Variants in TSHZ2 observed in about 807,000 individuals in gnomAD.
TSHZ2 encodes teashirt zinc finger homeobox 2.
Under a neutral mutation model 74.4 loss-of-function variants are expected in TSHZ2, and 21 were observed. That is an observed-to-expected ratio of 0.28 (90% CI 0.20 to 0.41). The LOEUF is 0.41. Among genes scored for constraint, TSHZ2 ranks in the 10% least tolerant of loss-of-function variants. The pLI is 1.00. For missense variants in TSHZ2, 1,244 were observed against 1,293.5 expected (o/e 0.96, Z 0.59); for synonymous variants, 540 against 515.3 (o/e 1.05, Z -0.65).
chr20:53,138,250 G>A (rs1987296742), intron 1 of TSHZ2, among the ~76,000 whole-genome samples: 2 of 152,126 alleles, frequency 1.3e-5, no homozygotes, highest in Non-Finnish European at 2.9e-5. Context: ...TGGGCGTGGT[G>A]GTGGGCGCCT....
At chr20:53,339,098 G>C (rs989290416) in intron 2 of TSHZ2, among the ~76,000 whole-genome samples, 1 of 152,172 alleles carries the variant, frequency 6.6e-6, no homozygotes, top group Non-Finnish European at 1.5e-5. Context: ...TGTCACACCT[G>C]TAACAGTTAA....
At chr20:53,235,537 C>T (rs544561903) in intron 1 of TSHZ2, among the ~76,000 whole-genome samples, 1 of 152,220 alleles carries the variant, frequency 6.6e-6, no homozygotes, top group Admixed American at 6.5e-5. Context: ...CTTCTGCTAG[C>T]CCGAAATCCC....
intron 2 of TSHZ2, among the ~76,000 whole-genome samples, chr20:53,312,573 C>T (rs982852898): frequency 1.3e-5 from 2 of 152,192 alleles, no homozygotes; most frequent in Admixed American, 1.3e-4. Context: ...GCACCAGTCG[C>T]TCTATCTCTC....
At chr20:53,047,541 T>C (rs2123116046) in intron 1 of TSHZ2, among the ~76,000 whole-genome samples, 1 of 152,270 alleles carries the variant, frequency 6.6e-6, no homozygotes, top group South Asian at 2.1e-4. Flanking sequence ...GTCTAGTGCA[T>C]TGCCACAAAG....
intron 1 of TSHZ2, among the ~76,000 whole-genome samples, chr20:53,187,710 T>C (rs1373648335): frequency 6.7e-6 from 1 of 149,478 alleles, no homozygotes; most frequent in Admixed American, 6.7e-5. Context: ...TTTTTTAAGG[T>C]GAGAGGACAG....
chr20:53,182,427 G>T (rs560410464), intron 1 of TSHZ2, among the ~76,000 whole-genome samples: 1 of 152,286 alleles, frequency 6.6e-6, no homozygotes. Flanking sequence ...TGCAAAAGTG[G>T]ATTATCCAGT....
chr20:53,350,756 A>G (rs1443038207), intron 2 of TSHZ2, among the ~76,000 whole-genome samples: 1 of 152,206 alleles, frequency 6.6e-6, no homozygotes, highest in Non-Finnish European at 1.5e-5. Context: ...AAGATGAAAC[A>G]CTTTTTGTCT....
chr20:53,270,979 G>A (rs1034421143), intron 2 of TSHZ2, among the ~76,000 whole-genome samples: 1 of 152,044 alleles, frequency 6.6e-6, no homozygotes, highest in Non-Finnish European at 1.5e-5. Context: ...AGACTCTCCC[G>A]TGAGCAGTAA....
intron 2 of TSHZ2, among the ~76,000 whole-genome samples, chr20:53,292,447 A>AT (rs149635565): frequency 0.22 from 30,487 of 140,966 alleles, 3,666 homozygotes; most frequent in East Asian, 0.28. Context: ...CAAACCACCT[A>AT]TTTTTTTTTT....
intron 2 of TSHZ2, among the ~76,000 whole-genome samples, chr20:53,291,586 T>C (rs1167879380): frequency 6.6e-6 from 1 of 152,052 alleles, no homozygotes; most frequent in Admixed American, 6.6e-5. Context: ...TCAAATGTTA[T>C]TATATAGTTC....
At chr20:53,075,295 A>G (rs1985333079) in intron 1 of TSHZ2, among the ~76,000 whole-genome samples, 1 of 152,224 alleles carries the variant, frequency 6.6e-6, no homozygotes, top group Admixed American at 6.5e-5. Flanking sequence ...GCTCTGTGCA[A>G]AGGATCTTTC....
intron 2 of TSHZ2, among the ~76,000 whole-genome samples, chr20:53,481,771 T>G (rs2145855835): frequency 6.6e-6 from 1 of 151,934 alleles, no homozygotes; most frequent in South Asian, 2.1e-4. Context: ...TAGCTAAGTT[T>G]CATAAAAGAC....
chr20:53,473,171 T>A (rs1044812316), intron 2 of TSHZ2, among the ~76,000 whole-genome samples: 3 of 146,306 alleles, frequency 2.1e-5, no homozygotes, highest in African/African-American at 7.7e-5. Flanking sequence ...CAAGGAGTCC[T>A]GCCTGCCTCT....
intron 2 of TSHZ2, among the ~76,000 whole-genome samples, chr20:53,346,814 AG>A (rs1325876787): frequency 4.6e-5 from 7 of 152,260 alleles, no homozygotes; most frequent in Non-Finnish European, 7.3e-5. Flanking sequence ...AGTTAAACCT[AG>A]ATCTTATGGA....
chr20:53,229,347 G>A (rs1158531876), intron 1 of TSHZ2, among the ~76,000 whole-genome samples: 1 of 152,080 alleles, frequency 6.6e-6, no homozygotes, highest in East Asian at 1.9e-4. Context: ...AGATCCTCCA[G>A]CAATGCCACC....
rs758086062 is a variant in TSHZ2, at chr20:52,973,268, G to A, written c.-26G>A. On this transcript the variant is annotated 5_prime_UTR_variant, in exon 1 of 3. Transcript: ENST00000371497. ...CGCGCGGCTCGGGGCTGGGGCGCCA[G>A]AAGTGGGACTGGAGCGAAGTAGAGG... 1.9e-6 allele frequency: 3 copies of A among 1,552,200 alleles called. No individual in the cohort carries two copies. Among genetic ancestry groups the A allele is most frequent in the Non-Finnish European group, 2.6e-6 (3 of 1,147,120 alleles).
intron 2 of TSHZ2, among the ~76,000 whole-genome samples, chr20:53,472,810 C>T (rs1008987063): frequency 7.9e-5 from 12 of 151,592 alleles, no homozygotes; most frequent in East Asian, 4.0e-4. Flanking sequence ...GCACCGTGCG[C>T]GAGCCGAAGC....
At chr20:53,085,656 T>G (rs1160479209) in intron 1 of TSHZ2, among the ~76,000 whole-genome samples, 1 of 152,170 alleles carries the variant, frequency 6.6e-6, no homozygotes, top group Non-Finnish European at 1.5e-5. Context: ...CATAAGGAAA[T>G]GAAGGCCCCT....
intron 2 of TSHZ2, among the ~76,000 whole-genome samples, chr20:53,470,045 C>T (rs947333626): frequency 3.3e-5 from 5 of 152,178 alleles, no homozygotes; most frequent in Non-Finnish European, 7.3e-5. Flanking sequence ...TCCCTCTTGC[C>T]ATTTGGAAAC....
Sources: allele counts gnomAD v4.1 joint callset (sites outside exome capture counted in the v4.1 genomes callset), GRCh38; gene constraint gnomAD v4.1.1; transcripts MANE v1.5; gene names NCBI Gene and HGNC (gene_info 2026-07-23, HGNC 2026-07-21).